KHDRBS3: variants seen among roughly 807,000 people sequenced by gnomAD.
The protein encoded by KHDRBS3 is KH domain-containing, RNA-binding, signal transduction-associated protein 3.
KHDRBS3 carries 23 observed loss-of-function variants against 45.6 expected under a neutral mutation model. The observed-to-expected ratio is 0.50, with a 90% CI of 0.36 to 0.72. KHDRBS3 has a LOEUF of 0.72. Among genes scored for constraint, KHDRBS3 ranks in the 30% least tolerant of loss-of-function variants. The probability of loss-of-function intolerance (pLI) is 0.00; values close to 1 mark genes in which losing one functional copy is unlikely to be tolerated. For missense variants in KHDRBS3, 352 were observed against 424.8 expected (o/e 0.83, Z 1.51); for synonymous variants, 162 against 156.5 (o/e 1.04, Z -0.26).
chr8:135,518,214 C>T (rs1304954333), intron 1 of KHDRBS3, among the ~76,000 whole-genome samples: 1 of 151,820 alleles, frequency 6.6e-6, no homozygotes. Flanking sequence ...GCTCTGCTGC[C>T]CAGGGTGGAG....
chr8:135,602,323 G>T (rs1461352836), intron 6 of KHDRBS3, among the ~76,000 whole-genome samples: 1 of 152,112 alleles, frequency 6.6e-6, no homozygotes, highest in Non-Finnish European at 1.5e-5. Flanking sequence ...CGTCATAATG[G>T]AAGTACAAAA....
intron 7 of KHDRBS3, among the ~76,000 whole-genome samples, chr8:135,633,346 C>T (rs1352315538): frequency 2.6e-5 from 4 of 152,184 alleles, no homozygotes; most frequent in Non-Finnish European, 5.9e-5. Context: ...TGTTCATGCC[C>T]TCACCTCCCA....
intron 5 of KHDRBS3, among the ~76,000 whole-genome samples, chr8:135,576,149 A>G (rs1342119331): frequency 1.3e-5 from 2 of 152,236 alleles, no homozygotes; most frequent in Non-Finnish European, 2.9e-5. Flanking sequence ...GCCACATCAT[A>G]TCAAGTATAC....
chr8:135,603,945 T>G (rs1386954642), intron 6 of KHDRBS3, among the ~76,000 whole-genome samples: 2 of 3,048 alleles, frequency 6.6e-4, no homozygotes, highest in Admixed American at 0.01. Flanking sequence ...TGTTCAAATG[T>G]TTTTTTTTTC....
At chr8:135,554,686 A>G (rs1826787291) in intron 4 of KHDRBS3, among the ~76,000 whole-genome samples, 1 of 152,098 alleles carries the variant, frequency 6.6e-6, no homozygotes, top group Non-Finnish European at 1.5e-5. Context: ...CTGCTTTGCA[A>G]GTGTTAGCTG....
At chr8:135,484,975 A>T (rs1822774566) in intron 1 of KHDRBS3, among the ~76,000 whole-genome samples, 1 of 152,220 alleles carries the variant, frequency 6.6e-6, no homozygotes, top group Non-Finnish European at 1.5e-5. Context: ...CACGAAGATA[A>T]GAAATAGCTC....
intron 7 of KHDRBS3, 26 bp from the exon 8 acceptor site, chr8:135,645,033 C>T (rs1281956711): frequency 3.1e-6 from 5 of 1,609,610 alleles, no homozygotes; most frequent in Non-Finnish European, 4.2e-6. Flanking sequence ...TGATTTTGTC[C>T]TTTGTTTTGT....
At chr8:135,563,446 C>T (rs1041375887) in intron 5 of KHDRBS3, among the ~76,000 whole-genome samples, 3 of 152,202 alleles carry the variant, frequency 2.0e-5, no homozygotes, top group Admixed American at 6.5e-5. Context: ...TGTGAAGGGT[C>T]CTTCCTCTCA....
At chr8:135,609,592 G>C (rs1415108688) in intron 7 of KHDRBS3, among the ~76,000 whole-genome samples, 2 of 148,894 alleles carry the variant, frequency 1.3e-5, no homozygotes, top group Admixed American at 6.6e-5. Flanking sequence ...ACCACACCGG[G>C]CCTACCTTTT....
chr8:135,481,827 G>A (rs1250880901), intron 1 of KHDRBS3, among the ~76,000 whole-genome samples: 1 of 152,172 alleles, frequency 6.6e-6, no homozygotes, highest in Non-Finnish European at 1.5e-5. Flanking sequence ...AAGATAATTG[G>A]TGCTGTCACT....
intron 5 of KHDRBS3, among the ~76,000 whole-genome samples, chr8:135,558,847 A>G (rs1012979463): frequency 3.9e-5 from 6 of 152,076 alleles, no homozygotes; most frequent in Admixed American, 3.9e-4. Flanking sequence ...TGCCAAAATC[A>G]CTATCACTAG....
intron 1 of KHDRBS3, chr8:135,458,293 A>C: frequency 2.7e-4 from 188 of 707,062 alleles, no homozygotes; most frequent in Non-Finnish European, 3.3e-4. Context: ...GAATTATGTC[A>C]TGGAAGGGGA....
chr8:135,578,221 C>A lies in KHDRBS3; in HGVS notation c.612-3657C>A, dbSNP rs765356334. Among the ~76,000 whole-genome samples, 69 of 152,004 alleles carry A rather than the reference C, an allele frequency of 4.5e-4. 1 individual carries two copies. The highest frequency in any genetic ancestry group is 4.2e-4 in the South Asian group (2 of 4,814). On this transcript the variant is annotated intron_variant, in intron 5 of 8. Transcript: ENST00000355849. Reference sequence around the variant, plus strand: ...CTCTTAATAGTGTCCTACACAAAGCCGAAGTCTATAATTTTAACAAAGTAG... The same window carrying A: ...CTCTTAATAGTGTCCTACACAAAGCAGAAGTCTATAATTTTAACAAAGTAG...
chr8:135,529,873 C>T (rs1307496265), intron 2 of KHDRBS3, among the ~76,000 whole-genome samples: 4 of 151,802 alleles, frequency 2.6e-5, no homozygotes, highest in Non-Finnish European at 5.9e-5. Context: ...ACAGTGAAAC[C>T]CTGTCTCTAC....
intron 2 of KHDRBS3, among the ~76,000 whole-genome samples, chr8:135,528,365 T>C (rs777625501): frequency 6.6e-6 from 1 of 152,204 alleles, no homozygotes; most frequent in Non-Finnish European, 1.5e-5. Context: ...TTTAAATTAC[T>C]ACTTGGTAGA....
intron 4 of KHDRBS3, among the ~76,000 whole-genome samples, chr8:135,554,191 A>G (rs947691598): frequency 6.6e-6 from 1 of 152,182 alleles, no homozygotes; most frequent in Non-Finnish European, 1.5e-5. Context: ...CAAAGATGAT[A>G]TCTTAAATGG....
intron 4 of KHDRBS3, among the ~76,000 whole-genome samples, chr8:135,655,195 T>C (rs1831507153): frequency 6.6e-6 from 1 of 152,192 alleles, no homozygotes; most frequent in Non-Finnish European, 1.5e-5. Context: ...GGATTCACCT[T>C]TAAATAACAG....
intron 1 of KHDRBS3, among the ~76,000 whole-genome samples, chr8:135,488,923 A>G (rs112823574): frequency 1.2e-4 from 19 of 152,190 alleles, no homozygotes; most frequent in African/African-American, 3.9e-4. Flanking sequence ...GCTAAGCCTG[A>G]GTTCTTAACC....
intron 1 of KHDRBS3, among the ~76,000 whole-genome samples, chr8:135,463,508 T>C (rs764031507): frequency 4.6e-5 from 7 of 152,294 alleles, no homozygotes; most frequent in Non-Finnish European, 1.0e-4. Flanking sequence ...GAGAAGATGT[T>C]GTCAGATCTG....
Sources: allele counts gnomAD v4.1 joint callset (sites outside exome capture counted in the v4.1 genomes callset), GRCh38; gene constraint gnomAD v4.1.1; transcripts MANE v1.5; gene names NCBI Gene and HGNC (gene_info 2026-07-23, HGNC 2026-07-21).